The following LRGUK variants were observed in gnomAD, a reference collection of about 807,000 sequenced individuals.
LRGUK encodes leucine-rich repeat and guanylate kinase domain-containing protein.
LRGUK carries 65 observed loss-of-function variants against 76.0 expected under a neutral mutation model. The observed-to-expected ratio is 0.85, with a 90% CI of 0.70 to 1.05. LRGUK has a LOEUF of 1.05. LRGUK is among the 50% of genes least tolerant of loss of function. The probability of loss-of-function intolerance (pLI) is 0.00; values close to 1 mark genes in which losing one functional copy is unlikely to be tolerated. For synonymous variants in LRGUK, 268 were observed against 265.6 expected, an observed-to-expected ratio of 1.01 and a Z score of -0.09; for missense variants, 758 against 732.8, an observed-to-expected ratio of 1.03 and a Z score of -0.40.
At chr7:134,147,132 G>A (rs1798004647) in intron 4 of LRGUK, among the ~76,000 whole-genome samples, 1 of 152,060 alleles carries the variant, frequency 6.6e-6, no homozygotes, top group Admixed American at 6.6e-5. Flanking sequence ...GTAAGACTAG[G>A]CCGGGCGCAG....
chr7:134,176,351 G>A (rs928326209), intron 8 of LRGUK, among the ~76,000 whole-genome samples: 2 of 152,066 alleles, frequency 1.3e-5, no homozygotes, highest in Admixed American at 6.6e-5. Context: ...AAACCTGCAC[G>A]TCCTGCACAT....
intron 6 of LRGUK, among the ~76,000 whole-genome samples, chr7:134,162,849 A>AG (rs1798805752): frequency 6.6e-6 from 1 of 150,408 alleles, no homozygotes; most frequent in East Asian, 1.9e-4. Context: ...AAAAAAAAAA[A>AG]AAGAGTGGAC....
intron 11 of LRGUK, among the ~76,000 whole-genome samples, chr7:134,185,878 T>C (rs537151701): frequency 6.6e-6 from 1 of 152,322 alleles, no homozygotes; most frequent in African/African-American, 2.4e-5. Flanking sequence ...GAAAAATTTA[T>C]TAATACATTT....
At chr7:134,209,894 G>A (rs184577572) in exon 16 of LRGUK, 6 of 399,268 alleles carry the variant, frequency 1.5e-5, no homozygotes, top group Admixed American at 8.8e-5. Context: ...GGCTCAGAAA[G>A]TGAGGCTCCC....
downstream of LRGUK, among the ~76,000 whole-genome samples, chr7:134,214,710 G>A (rs1412734403): frequency 2.0e-5 from 3 of 150,602 alleles, no homozygotes; most frequent in South Asian, 4.2e-4. Flanking sequence ...ATGCTTTTTA[G>A]TATTTTTTAA....
chr7:134,264,602 CCTT>C (rs1246272723), downstream of LRGUK: 1 of 152,114 alleles, frequency 6.6e-6, no homozygotes, highest in Non-Finnish European at 1.5e-5. Flanking sequence ...TTTATTTCAC[CCTT>C]CTTTGACTCT....
intron 1 of LRGUK, among the ~76,000 whole-genome samples, chr7:134,128,619 C>T (rs909461952): frequency 2.0e-5 from 3 of 152,170 alleles, no homozygotes; most frequent in Non-Finnish European, 2.9e-5. Context: ...GTGCGGTCTC[C>T]GCTCATTGCA....
chr7:134,220,927 G>A (rs932344811), intron 15 of LRGUK, among the ~76,000 whole-genome samples: 1 of 152,038 alleles, frequency 6.6e-6, no homozygotes, highest in African/African-American at 2.4e-5. Context: ...CTCATACCAT[G>A]TATTCAAACC....
chr7:134,156,384 CTTAT>C (rs1352469152), intron 5 of LRGUK, among the ~76,000 whole-genome samples: 2 of 151,854 alleles, frequency 1.3e-5, no homozygotes, highest in Non-Finnish European at 2.9e-5. Context: ...ATCATTTTCA[CTTAT>C]TTGTGTATTT....
intron 15 of LRGUK, among the ~76,000 whole-genome samples, chr7:134,202,237 T>C (rs73441332): frequency 0.012 from 1,752 of 152,164 alleles, 34 homozygotes; most frequent in African/African-American, 0.041. Flanking sequence ...AGAATTTTGG[T>C]ACATGAATTT....
At chr7:134,134,847 A>G (rs545898674) in intron 1 of LRGUK, among the ~76,000 whole-genome samples, 5 of 152,348 alleles carry the variant, frequency 3.3e-5, no homozygotes, top group African/African-American at 7.2e-5. Context: ...GACTTCATCA[A>G]TTAGTAGTAA....
At chr7:134,204,893 A>G (rs958559121) in intron 15 of LRGUK, among the ~76,000 whole-genome samples, 1 of 152,174 alleles carries the variant, frequency 6.6e-6, no homozygotes, top group African/African-American at 2.4e-5. Flanking sequence ...AACAAGTGTC[A>G]GTGTGTCCAG....
downstream of LRGUK, among the ~76,000 whole-genome samples, chr7:134,266,517 T>C (rs984953752): frequency 1.3e-5 from 2 of 152,108 alleles, no homozygotes; most frequent in East Asian, 1.9e-4. Flanking sequence ...TTAAAACTCA[T>C]TGGATGGGCA....
intron 16 of LRGUK, among the ~76,000 whole-genome samples, chr7:134,233,531 G>T (rs1034921222): frequency 6.6e-6 from 1 of 152,176 alleles, no homozygotes; most frequent in African/African-American, 2.4e-5. Flanking sequence ...TGGACCTGTG[G>T]TGACAAAGTA....
Position 134,263,877 on chromosome 7 carries a change from G to C in LRGUK, c.2380G>C (p.Glu794Gln), listed in dbSNP as rs1302278674. ...TATACAATCATTTTCACATGAAAAA[G>C]AGTCTCACCAACACAGACAACACTC... Residue 794 changes from glutamate (E) to glutamine (Q), a missense_variant, in exon 20 of 20, where the codon GAG becomes CAG. Coordinates refer to the LRGUK transcript ENST00000285928. The C allele has an allele frequency of 3.7e-6, 6 of 1,610,876 alleles. No individual in the cohort carries two copies. The highest frequency in any genetic ancestry group is 5.1e-6 in the Non-Finnish European group (6 of 1,178,646).
At chr7:134,157,379 G>T (rs1410645891) in intron 5 of LRGUK, among the ~76,000 whole-genome samples, 1 of 152,222 alleles carries the variant, frequency 6.6e-6, no homozygotes, top group Non-Finnish European at 1.5e-5. Context: ...GTAGTCAGAA[G>T]TTCTGCCTGT....
At chr7:134,166,848 C>A (rs936747166) in intron 7 of LRGUK, among the ~76,000 whole-genome samples, 1 of 152,192 alleles carries the variant, frequency 6.6e-6, no homozygotes, top group African/African-American at 2.4e-5. Flanking sequence ...AAGCAATGTG[C>A]ATTACCCCCC....
chr7:134,137,546 A>G (rs1349650350), intron 2 of LRGUK, among the ~76,000 whole-genome samples: 1 of 152,202 alleles, frequency 6.6e-6, no homozygotes, highest in Non-Finnish European at 1.5e-5. Flanking sequence ...CCCACTAAGT[A>G]TGTCAAGAAA....
chr7:134,209,775 T>C (rs1801169528), exon 16 of LRGUK: 2 of 399,598 alleles, frequency 5.0e-6, no homozygotes, highest in Admixed American at 4.4e-5. Flanking sequence ...GCCCACAGTC[T>C]TCAGCAAGTC....
Sources: gnomAD v4.1 joint callset for allele counts (sites outside exome capture counted in the v4.1 genomes callset) on GRCh38, gnomAD v4.1.1 for gene constraint, MANE v1.5 for transcripts, NCBI Gene and HGNC (gene_info 2026-07-23, HGNC 2026-07-21) for gene names.